EPB41L5: variants seen among roughly 807,000 people sequenced by gnomAD.
EPB41L5 encodes erythrocyte membrane protein band 4.1 like 5.
EPB41L5 carries 55 observed loss-of-function variants against 106.6 expected under a neutral mutation model. The ratio of observed to expected loss-of-function variants is 0.52; its 90% confidence interval spans 0.42 to 0.65. The LOEUF (loss-of-function observed/expected upper bound fraction) is 0.65, where lower values mean the gene tolerates loss of function less well. Among genes scored for constraint, EPB41L5 ranks in the 30% least tolerant of loss-of-function variants. EPB41L5 has a pLI of 0.00. For synonymous variants in EPB41L5, 297 were observed against 306.7 expected, an observed-to-expected ratio of 0.97 and a Z score of 0.33; for missense variants, 871 against 882.1, an observed-to-expected ratio of 0.99 and a Z score of 0.16.
At chr2:120,048,392 G>A (rs895721326) in intron 3 of EPB41L5, among the ~76,000 whole-genome samples, 6 of 152,112 alleles carry the variant, frequency 3.9e-5, no homozygotes, top group African/African-American at 1.4e-4. Flanking sequence ...GTCTTGGGAG[G>A]GTGTATGTGT....
In EPB41L5 at chr2:120,175,534, G is replaced by A. The variant is rs1687889640; in HGVS notation, c.*627G>A. ...TGTACTGGCTATCTTAATATTTCAA[G>A]TTTACATCAAGATAAACCCTGAGAA... On this transcript the variant is annotated 3_prime_UTR_variant, in exon 25 of 25. Transcript: ENST00000263713. 6.6e-6 allele frequency: 1 copy of A among 151,594 alleles called. No homozygotes were observed. Among genetic ancestry groups the A allele is most frequent in the Non-Finnish European group, 1.5e-5 (1 of 67,986 alleles). 9.4% of individuals were successfully genotyped at this position (151,594 alleles called of 1,614,324 possible).
chr2:120,131,546 C>T, intron 17 of EPB41L5, 72 bp from the exon 18 acceptor site: 1 of 1,007,086 alleles, frequency 9.9e-7, no homozygotes, highest in South Asian at 1.4e-5. Context: ...CAAAACAAAA[C>T]CATACCCTCA....
At chr2:120,032,597 T>C (rs1171285958) in intron 2 of EPB41L5, among the ~76,000 whole-genome samples, 2 of 152,220 alleles carry the variant, frequency 1.3e-5, no homozygotes, top group Non-Finnish European at 2.9e-5. Flanking sequence ...CTTCGTCTTC[T>C]GACTCTTGCC....
chr2:120,116,925 A>G (rs1684971716), intron 16 of EPB41L5, among the ~76,000 whole-genome samples: 1 of 152,334 alleles, frequency 6.6e-6, no homozygotes, highest in Admixed American at 6.5e-5. Flanking sequence ...AATTTGCGTA[A>G]TATAAAAATC....
intron 16 of EPB41L5, 67 bp from the exon 17 acceptor site, chr2:120,127,621 G>T: frequency 1.5e-6 from 2 of 1,329,298 alleles, no homozygotes; most frequent in Non-Finnish European, 2.1e-6. Flanking sequence ...GATACAGAGG[G>T]TGAGTAGTGT....
intron 20 of EPB41L5, among the ~76,000 whole-genome samples, chr2:120,154,295 A>C (rs549356501): frequency 2.6e-5 from 4 of 151,798 alleles, no homozygotes; most frequent in African/African-American, 9.7e-5. Context: ...AGTAGTTGAG[A>C]TCACAGGCAT....
intron 3 of EPB41L5, among the ~76,000 whole-genome samples, chr2:120,065,448 A>AG (rs1325525533): frequency 1.3e-5 from 2 of 152,160 alleles, no homozygotes; most frequent in Admixed American, 1.3e-4. Context: ...TTGTGAGACT[A>AG]GTCCTAAATA....
chr2:120,030,916 G>A (rs1558808262), intron 2 of EPB41L5, among the ~76,000 whole-genome samples: 1 of 151,474 alleles, frequency 6.6e-6, no homozygotes, highest in Non-Finnish European at 1.5e-5. Flanking sequence ...CGCTGTCATT[G>A]CCCAGGCTGG....
At chr2:120,159,912 T>G (rs1687072519) in intron 20 of EPB41L5, among the ~76,000 whole-genome samples, 1 of 152,160 alleles carries the variant, frequency 6.6e-6, no homozygotes, top group South Asian at 2.1e-4. Flanking sequence ...TAGAATGAAA[T>G]TGTGTCCTTT....
chr2:120,086,434 TAAG>T (rs1683058668), intron 10 of EPB41L5, among the ~76,000 whole-genome samples: 1 of 152,054 alleles, frequency 6.6e-6, no homozygotes, highest in Admixed American at 6.6e-5. Flanking sequence ...TTAAAAAAAT[TAAG>T]AAGTATTTCC....
At chr2:120,160,016 G>C (rs759205707) in intron 20 of EPB41L5, among the ~76,000 whole-genome samples, 7 of 152,212 alleles carry the variant, frequency 4.6e-5, no homozygotes, top group Non-Finnish European at 7.3e-5. Context: ...GCTAAATGAT[G>C]AGAACACGTG....
intron 20 of EPB41L5, among the ~76,000 whole-genome samples, chr2:120,150,060 G>GT (rs1012123896): frequency 4.0e-5 from 6 of 151,542 alleles, no homozygotes; most frequent in Non-Finnish European, 5.9e-5. Context: ...GCTCGGCTAA[G>GT]TTTTTTTTCA....
chr2:120,160,213 T>TA (rs1041685151), intron 20 of EPB41L5, among the ~76,000 whole-genome samples: 35 of 151,824 alleles, frequency 2.3e-4, no homozygotes, highest in South Asian at 1.0e-3. Flanking sequence ...CCTCTGAAGT[T>TA]AAAAAAAAAT....
chr2:120,104,420 C>T (rs1175371337), intron 16 of EPB41L5: 12 of 1,368,776 alleles, frequency 8.8e-6, no homozygotes, highest in Non-Finnish European at 1.1e-5. Flanking sequence ...ATCAAGGAAG[C>T]CATATAGCAT....
chr2:120,176,327 T>C lies in EPB41L5; in HGVS notation c.*1420T>C, dbSNP rs1687916821. Reference sequence around the variant, plus strand: ...TTTCTGTCCTGCAATATGTATATAATTAAGCACTAATTTGTACTGCTTAGC... The same window carrying C: ...TTTCTGTCCTGCAATATGTATATAACTAAGCACTAATTTGTACTGCTTAGC... On this transcript the variant is annotated 3_prime_UTR_variant, in exon 25 of 25. Transcript: ENST00000263713. 6.6e-6 allele frequency: 1 copy of C among 152,276 alleles called. No individual in the cohort carries two copies. The highest frequency in any genetic ancestry group is 1.5e-5 in the Non-Finnish European group (1 of 68,044). 9.4% of individuals were successfully genotyped at this position (152,276 alleles called of 1,614,324 possible).
intron 16 of EPB41L5, chr2:120,105,752 C>T (rs1469295489): frequency 1.0e-6 from 1 of 985,004 alleles, no homozygotes; most frequent in Admixed American, 6.2e-5. Context: ...ATGTATGGCC[C>T]TTATAGTTGT....
intron 14 of EPB41L5, among the ~76,000 whole-genome samples, chr2:120,095,963 C>A (rs1318607163): frequency 6.6e-6 from 1 of 152,222 alleles, no homozygotes; most frequent in East Asian, 1.9e-4. Flanking sequence ...AACCACCACG[C>A]CCAGCCGGCT....
At chr2:120,168,489 A>G (rs1164316530) in intron 24 of EPB41L5, among the ~76,000 whole-genome samples, 1 of 152,216 alleles carries the variant, frequency 6.6e-6, no homozygotes, top group Non-Finnish European at 1.5e-5. Flanking sequence ...CTAGACTCAA[A>G]AACTAGAGCT....
chr2:120,062,599 T>C (rs751750755), intron 3 of EPB41L5, among the ~76,000 whole-genome samples: 1 of 152,234 alleles, frequency 6.6e-6, no homozygotes, highest in African/African-American at 2.4e-5. Context: ...GTATGTTTTC[T>C]TTTATCTAGA....
Sources: gnomAD v4.1 joint callset for allele counts (sites outside exome capture counted in the v4.1 genomes callset) on GRCh38, gnomAD v4.1.1 for gene constraint, MANE v1.5 for transcripts, NCBI Gene and HGNC (gene_info 2026-07-23, HGNC 2026-07-21) for gene names.